Variants in PCDHA5 observed in about 807,000 individuals in gnomAD.
The protein encoded by PCDHA5 is protocadherin alpha-5.
In PCDHA5, 43 loss-of-function variants were observed where a neutral mutation model predicts 61.6. The ratio of observed to expected loss-of-function variants is 0.70; its 90% CI spans 0.55 to 0.90. The LOEUF (loss-of-function observed/expected upper bound fraction) is 0.90. Among genes scored for constraint, PCDHA5 ranks in the 40% least tolerant of loss-of-function variants. The probability of loss-of-function intolerance (pLI) is 0.00; values close to 1 mark genes in which losing one functional copy is unlikely to be tolerated. For missense variants in PCDHA5, 1,298 were observed against 1,222.7 expected (o/e 1.06, Z -0.92); for synonymous variants, 627 against 543.9 (o/e 1.15, Z -2.13).
intron 3 of PCDHA5, among the ~76,000 whole-genome samples, chr5:141,005,406 G>C (rs1224420854): frequency 1.3e-5 from 2 of 152,172 alleles, no homozygotes; most frequent in Non-Finnish European, 2.9e-5. Flanking sequence ...GACTTGAAGA[G>C]TGAGGAGTCA....
At chr5:140,997,603 C>T (rs781897268) in intron 3 of PCDHA5, among the ~76,000 whole-genome samples, 2 of 151,824 alleles carry the variant, frequency 1.3e-5, no homozygotes, top group African/African-American at 2.4e-5. Flanking sequence ...GATTATGGGG[C>T]GCATGACTAT....
intron 1 of PCDHA5, chr5:140,875,720 T>C (rs1554167893): frequency 1.9e-6 from 3 of 1,614,092 alleles, no homozygotes; most frequent in Non-Finnish European, 1.7e-6. Context: ...CAGAATGGCA[T>C]TTTGTTTGTG....
At chr5:140,911,021 G>A (rs1340465729) in intron 1 of PCDHA5, among the ~76,000 whole-genome samples, 2 of 152,066 alleles carry the variant, frequency 1.3e-5, no homozygotes, top group African/African-American at 4.8e-5. Context: ...CTTTAGTCTA[G>A]TTATAGGTCT....
chr5:140,898,670 C>T (rs574817267), intron 1 of PCDHA5, among the ~76,000 whole-genome samples: 20 of 152,200 alleles, frequency 1.3e-4, no homozygotes, highest in South Asian at 6.2e-4. Context: ...CTTGGTGTTG[C>T]GGGCTGTTTT....
intron 1 of PCDHA5, among the ~76,000 whole-genome samples, chr5:140,892,332 T>A (rs552266223): frequency 6.6e-6 from 1 of 152,274 alleles, no homozygotes; most frequent in African/African-American, 2.4e-5. Context: ...TTCTCCAGAA[T>A]GGATTTTAAT....
intron 1 of PCDHA5, chr5:140,968,614 A>T: frequency 6.2e-7 from 1 of 1,614,142 alleles, no homozygotes; most frequent in Non-Finnish European, 8.5e-7. Context: ...ACTCTGGGCA[A>T]AATGCTTGGC....
At chr5:140,876,554 A>C (rs2056417075) in intron 1 of PCDHA5, 2 of 1,614,052 alleles carry the variant, frequency 1.2e-6, no homozygotes, top group African/African-American at 2.7e-5. Context: ...CCTGTGCAAG[A>C]GGATGCTCAG....
At chr5:140,926,863 G>T (rs2083606655) in intron 1 of PCDHA5, 6 of 1,523,054 alleles carry the variant, frequency 3.9e-6, no homozygotes, top group Non-Finnish European at 5.3e-6. Flanking sequence ...GGTGTAGCGT[G>T]TTGGTGGAAC....
chr5:140,943,257 C>CAA lies in PCDHA5; in HGVS notation c.2353-35673_2353-35672dup, dbSNP rs1238620023. Reference sequence around the variant, plus strand: ...TGGGTCACAGAGTGAGACTCTGTCTCAAAAAAAAAAAAAAAAAAAAGAAAG... The same window carrying CAA: ...TGGGTCACAGAGTGAGACTCTGTCTCAAAAAAAAAAAAAAAAAAAAAAGAAAG... On this transcript the variant is annotated intron_variant, in intron 1 of 3. Transcript: ENST00000529859. Among the ~76,000 whole-genome samples the CAA allele has an allele frequency of 2.6e-3, 203 of 77,270 alleles. 1 individual carries two copies. Among genetic ancestry groups the CAA allele is most frequent in the African/African-American group, 9.8e-3 (185 of 18,826 alleles). The allele number at this position is 77,270 out of a possible 152,430, so 50.7% of individuals were successfully genotyped here. A position where few individuals can be genotyped will look rare whatever the true frequency, so the allele number is the denominator to read the frequency against.
At chr5:140,979,067 A>C (rs1938790025) in intron 2 of PCDHA5, 60 bp downstream of exon 2, 1 of 1,601,882 alleles carries the variant, frequency 6.2e-7, no homozygotes, top group Non-Finnish European at 8.5e-7. Flanking sequence ...GCTCAGATAA[A>C]CTGCATCTCC....
chr5:140,965,168 T>C (rs1484687706), intron 1 of PCDHA5, among the ~76,000 whole-genome samples: 1 of 152,180 alleles, frequency 6.6e-6, no homozygotes, highest in Non-Finnish European at 1.5e-5. Context: ...GACGTTTTAG[T>C]GAGTGCTTTT....
At chr5:140,906,963 G>C (rs150934602) in intron 1 of PCDHA5, among the ~76,000 whole-genome samples, 2 of 152,216 alleles carry the variant, frequency 1.3e-5, no homozygotes, top group African/African-American at 4.8e-5. Context: ...TAATGGAATC[G>C]TGGTTGTGTC....
intron 1 of PCDHA5, chr5:140,864,839 G>T (rs1335962458): frequency 6.6e-6 from 1 of 152,156 alleles, no homozygotes; most frequent in African/African-American, 2.4e-5. Flanking sequence ...GTATAAGAGA[G>T]TCTTCCCATA....
chr5:140,847,382 C>T (rs2150399833), intron 1 of PCDHA5: 1 of 149,622 alleles, frequency 6.7e-6, no homozygotes, highest in South Asian at 2.1e-4. Context: ...GATAAATATG[C>T]AAAAACATTA....
chr5:140,848,569 T>C lies in PCDHA5; in HGVS notation c.2352+24442T>C, dbSNP rs1382719331. On this transcript the variant is annotated intron_variant, in intron 1 of 3. Coordinates refer to ENST00000529859, the MANE Select transcript of PCDHA5 (RefSeq NM_018908.3). ...TCGCTTCTGATCCTCGCAATGTGGG[T>C]GGTGGGGAGCGGCCAGCTCCACTAC... 5.0e-6 allele frequency: 8 copies of C among 1,595,090 alleles called. 2 individuals carry two copies. The highest frequency in any genetic ancestry group is 6.9e-6 in the Non-Finnish European group (8 of 1,165,390).
At chr5:140,864,890 G>T (rs1554159190) in intron 1 of PCDHA5, 1 of 152,170 alleles carries the variant, frequency 6.6e-6, no homozygotes, top group Non-Finnish European at 1.5e-5. Context: ...TCATTAAGCT[G>T]CATGGTCTTC....
intron 1 of PCDHA5, chr5:140,843,091 G>C: frequency 6.3e-7 from 1 of 1,595,616 alleles, no homozygotes; most frequent in Non-Finnish European, 8.6e-7. Context: ...CGGGCCACGT[G>C]GTAGCGAAGG....
At chr5:140,971,895 T>C (rs1554233682) in intron 1 of PCDHA5, among the ~76,000 whole-genome samples, 2 of 151,872 alleles carry the variant, frequency 1.3e-5, no homozygotes, top group Non-Finnish European at 2.9e-5. Context: ...TCAGGGAGGT[T>C]AGGTAATCTA....
intron 3 of PCDHA5, among the ~76,000 whole-genome samples, chr5:140,985,238 A>G (rs2097143387): frequency 1.3e-5 from 2 of 152,120 alleles, no homozygotes; most frequent in Non-Finnish European, 2.9e-5. Context: ...CGCCTGGCCT[A>G]ATCTTCTTAC....
Sources: gnomAD v4.1 joint callset for allele counts (sites outside exome capture counted in the v4.1 genomes callset) on GRCh38, gnomAD v4.1.1 for gene constraint, MANE v1.5 for transcripts, NCBI Gene and HGNC (gene_info 2026-07-23, HGNC 2026-07-21) for gene names.